Variants in CDH18 observed in about 807,000 individuals in gnomAD.
CDH18 encodes cadherin-18.
A neutral mutation model predicts 67.9 loss-of-function variants in CDH18; 31 were observed. The observed-to-expected ratio is 0.46, with a 90% CI of 0.34 to 0.62. The LOEUF (loss-of-function observed/expected upper bound fraction) is 0.62. CDH18 is among the 20% of genes least tolerant of loss of function. CDH18 has a pLI of 0.01. For synonymous variants in CDH18, 362 were observed against 347.2 expected, an observed-to-expected ratio of 1.04 and a Z score of -0.48; for missense variants, 890 against 975.5, an observed-to-expected ratio of 0.91 and a Z score of 1.17.
At chr5:20,342,228 G>A (rs1212021802) in intron 1 of CDH18, among the ~76,000 whole-genome samples, 1 of 152,138 alleles carries the variant, frequency 6.6e-6, no homozygotes, top group Non-Finnish European at 1.5e-5. Context: ...ACTTGGAATG[G>A]GGACGTGTGG....
Position 20,060,622 on chromosome 5 carries a change from C to T in CDH18, c.-517-68608G>A, listed in dbSNP as rs114588368. Among the ~76,000 whole-genome samples the T allele has an allele frequency of 9.2e-3, 1,399 of 151,762 alleles. 26 individuals carry two copies. The highest frequency in any genetic ancestry group is 0.032 in the African/African-American group (1,319 of 41,372). On this transcript the variant is annotated intron_variant, in intron 2 of 14. Coordinates refer to the CDH18 transcript ENST00000507958. ...ATATGCATGATAAAAATGTGAGCCC[C>T]GTGTAGGCAAGCATACATAATTTAG...
chr5:19,502,861 A>G, intron 11 of CDH18, 131 bp downstream of exon 11: 1 of 727,666 alleles, frequency 1.4e-6, no homozygotes, highest in East Asian at 2.6e-5. Flanking sequence ...ACAGATCATA[A>G]CACAGTAGCA....
chr5:20,540,693 T>G (rs1191725046), intron 1 of CDH18, among the ~76,000 whole-genome samples: 1 of 152,178 alleles, frequency 6.6e-6, no homozygotes, highest in Non-Finnish European at 1.5e-5. Context: ...ATGTTGTCAT[T>G]GGAAATACAG....
intron 1 of CDH18, among the ~76,000 whole-genome samples, chr5:20,523,566 A>T (rs951919149): frequency 6.6e-6 from 1 of 152,104 alleles, no homozygotes; most frequent in Non-Finnish European, 1.5e-5. Flanking sequence ...TTTTAGATGG[A>T]GTCTCGCTTC....
intron 2 of CDH18, among the ~76,000 whole-genome samples, chr5:19,871,079 G>A (rs961560472): frequency 3.3e-5 from 5 of 152,104 alleles, no homozygotes; most frequent in African/African-American, 1.2e-4. Flanking sequence ...TTTATCCACA[G>A]ATGTGCAGAG....
At chr5:19,532,267 T>C (rs1180095906) in intron 9 of CDH18, among the ~76,000 whole-genome samples, 1 of 152,230 alleles carries the variant, frequency 6.6e-6, no homozygotes, top group Non-Finnish European at 1.5e-5. Context: ...ATCAATGTAT[T>C]GCTTCTATTG....
intron 11 of CDH18, among the ~76,000 whole-genome samples, chr5:19,498,826 T>TA (rs1210051228): frequency 6.6e-6 from 1 of 152,232 alleles, no homozygotes; most frequent in East Asian, 1.9e-4. Flanking sequence ...CTATAAATTT[T>TA]AGCCATTCCC....
intron 1 of CDH18, among the ~76,000 whole-genome samples, chr5:20,537,864 C>T (rs35892893): frequency 2.0e-5 from 3 of 152,086 alleles, no homozygotes; most frequent in African/African-American, 7.2e-5. Flanking sequence ...CTGCATTTGC[C>T]TGTAGCAATT....
At chr5:19,476,666 T>C (rs1738519848) in intron 12 of CDH18, among the ~76,000 whole-genome samples, 1 of 152,066 alleles carries the variant, frequency 6.6e-6, no homozygotes. Context: ...AAGACCTATT[T>C]ATAAAGACTG....
intron 2 of CDH18, among the ~76,000 whole-genome samples, chr5:20,192,200 GT>G (rs1366439439): frequency 0.013 from 1,917 of 144,190 alleles, 32 homozygotes; most frequent in African/African-American, 0.042. Context: ...ACTTTTCGAC[GT>G]TTTTTTTTTT....
chr5:20,404,409 A>T lies in CDH18; in HGVS notation c.-579-148904T>A, dbSNP rs184379273. Among the ~76,000 whole-genome samples the T allele has an allele frequency of 2.9e-3, 434 of 152,280 alleles. 2 individuals carry two copies. The highest frequency in any genetic ancestry group is 4.4e-3 in the Non-Finnish European group (301 of 68,038). On this transcript the variant is annotated intron_variant, in intron 1 of 14. Transcript: ENST00000507958. ...TGGCATGCCTTTTTCACCAAGCTTA[A>T]TCATTTCCAGCTTGCAATTTAAAGA... is the stretch of plus-strand genomic sequence containing the variant.
At chr5:19,565,128 G>A (rs766296718) in intron 8 of CDH18, among the ~76,000 whole-genome samples, 4 of 152,044 alleles carry the variant, frequency 2.6e-5, no homozygotes, top group African/African-American at 4.8e-5. Flanking sequence ...AGGCAACATC[G>A]AGGGGAAGGA....
intron 1 of CDH18, among the ~76,000 whole-genome samples, chr5:20,457,619 T>C (rs1013611759): frequency 2.6e-5 from 4 of 152,134 alleles, no homozygotes; most frequent in African/African-American, 9.7e-5. Flanking sequence ...TTAAAAATCA[T>C]GGGGTTATAG....
chr5:20,537,319 T>C (rs369370236), intron 1 of CDH18, among the ~76,000 whole-genome samples: 1 of 152,156 alleles, frequency 6.6e-6, no homozygotes, highest in Admixed American at 6.6e-5. Flanking sequence ...TACAATAAAA[T>C]AATGATCATC....
chr5:19,699,847 A>T (rs1024458059), intron 5 of CDH18, among the ~76,000 whole-genome samples: 4 of 151,948 alleles, frequency 2.6e-5, no homozygotes, highest in African/African-American at 9.7e-5. Flanking sequence ...TAGCAGCCCA[A>T]ACTGGGGGTG....
chr5:19,796,997 CAG>C (rs1409738226), intron 3 of CDH18, among the ~76,000 whole-genome samples: 4 of 151,700 alleles, frequency 2.6e-5, no homozygotes, highest in African/African-American at 9.7e-5. Flanking sequence ...AAATGAGAAA[CAG>C]AGAAAACAAA....
intron 5 of CDH18, among the ~76,000 whole-genome samples, chr5:19,638,985 T>TTTTTGTTTTTG (rs1753612295): frequency 1.3e-5 from 1 of 79,414 alleles, no homozygotes; most frequent in African/African-American, 5.3e-5. Context: ...CTGTTTTTTT[T>TTTTTGTTTTTG]TTTTTTTTTT....
chr5:20,318,332 C>T (rs1340050621), intron 1 of CDH18, among the ~76,000 whole-genome samples: 1 of 152,068 alleles, frequency 6.6e-6, no homozygotes, highest in Non-Finnish European at 1.5e-5. Flanking sequence ...GTAAAAAAGA[C>T]TATTGTCCGA....
At chr5:20,570,181 A>C (rs1758735666) in intron 1 of CDH18, among the ~76,000 whole-genome samples, 1 of 152,190 alleles carries the variant, frequency 6.6e-6, no homozygotes, top group African/African-American at 2.4e-5. Context: ...TATGAACTTA[A>C]GTTAATAATG....
Sources: allele counts gnomAD v4.1 joint callset (sites outside exome capture counted in the v4.1 genomes callset), GRCh38; gene constraint gnomAD v4.1.1; transcripts MANE v1.5; gene names NCBI Gene and HGNC (gene_info 2026-07-23, HGNC 2026-07-21).